The following CCSER1 variants were observed in gnomAD, a reference collection of about 807,000 sequenced individuals.
The protein encoded by CCSER1 is coiled-coil serine rich protein 1.
In CCSER1, 41 loss-of-function variants were observed where a neutral mutation model predicts 82.0. That is an observed-to-expected ratio of 0.50 (90% CI 0.39 to 0.65). CCSER1 has a LOEUF of 0.65. Ranked by LOEUF, CCSER1 falls within the 30% of genes least tolerant of loss-of-function variation. The probability of loss-of-function intolerance (pLI) is 0.00; values close to 1 mark genes in which losing one functional copy is unlikely to be tolerated. For missense variants in CCSER1, 1,119 were observed against 1,064.2 expected, an observed-to-expected ratio of 1.05 and a Z score of -0.72; for synonymous variants, 414 against 383.9, an observed-to-expected ratio of 1.08 and a Z score of -0.92.
intron 6 of CCSER1, chr4:90,641,955 C>A: frequency 5.8e-6 from 2 of 342,710 alleles, no homozygotes; most frequent in Non-Finnish European, 1.3e-5. Context: ...TTCATGAATC[C>A]AGCATTAATG....
Position 90,341,334 on chromosome 4 carries a change from C to A in CCSER1, c.1509+28287C>A, listed in dbSNP as rs376813340. The stretch of plus-strand genomic sequence containing the variant: ...GATGAAAAATATCTCTTCTTGTAAT[C>A]ATCTTTGACATTAACTTGACAATGT... On this transcript the variant is annotated intron_variant, in intron 3 of 10. Coordinates refer to ENST00000509176, the MANE Select transcript of CCSER1 (RefSeq NM_001145065.2). Among the ~76,000 whole-genome samples the A allele has an allele frequency of 5.9e-5, 9 of 152,126 alleles. No individual in the cohort carries two copies. In the East Asian group the frequency reaches 1.5e-3, roughly 26 times the overall value.
intron 3 of CCSER1, among the ~76,000 whole-genome samples, chr4:90,339,237 C>T (rs1380503518): frequency 6.6e-6 from 1 of 152,084 alleles, no homozygotes; most frequent in Non-Finnish European, 1.5e-5. Context: ...ATTCTTTTGT[C>T]ATAAGACACC....
At chr4:91,007,131 G>C (rs1367079876) in intron 9 of CCSER1, among the ~76,000 whole-genome samples, 1 of 152,098 alleles carries the variant, frequency 6.6e-6, no homozygotes. Flanking sequence ...CCCACTTGTT[G>C]TGGGACTTTT....
intron 1 of CCSER1, among the ~76,000 whole-genome samples, chr4:90,269,492 A>G (rs1453837862): frequency 6.6e-6 from 1 of 152,074 alleles, no homozygotes; most frequent in African/African-American, 2.4e-5. Context: ...ACAATTGATA[A>G]TGAAAACAGC....
intron 1 of CCSER1, among the ~76,000 whole-genome samples, chr4:90,217,686 A>G (rs917627493): frequency 6.6e-6 from 1 of 152,080 alleles, no homozygotes; most frequent in Non-Finnish European, 1.5e-5. Flanking sequence ...TCTCAAGGGG[A>G]ATGTGTCCAG....
chr4:90,757,941 T>C (rs1217634277), intron 7 of CCSER1, among the ~76,000 whole-genome samples: 2 of 151,502 alleles, frequency 1.3e-5, no homozygotes, highest in Non-Finnish European at 3.0e-5. Context: ...TTCTTTTTTT[T>C]TTTTTTTTTC....
intron 3 of CCSER1, among the ~76,000 whole-genome samples, chr4:90,386,132 T>A (rs1404235110): frequency 6.6e-6 from 1 of 152,174 alleles, no homozygotes; most frequent in Admixed American, 6.5e-5. Context: ...ACCACCATCA[T>A]TTGTTCACAG....
intron 7 of CCSER1, among the ~76,000 whole-genome samples, chr4:90,754,939 C>G (rs1000460019): frequency 7.2e-5 from 11 of 152,166 alleles, no homozygotes; most frequent in Admixed American, 2.0e-4. Context: ...CCCCTTTCCT[C>G]ATCTCCAGCT....
At chr4:90,370,630 G>C (rs1313372425) in intron 3 of CCSER1, among the ~76,000 whole-genome samples, 2 of 151,936 alleles carry the variant, frequency 1.3e-5, no homozygotes, top group Non-Finnish European at 2.9e-5. Context: ...TGCAAGGTTT[G>C]TGTTTCCTTT....
At chr4:90,400,290 G>T (rs1352918987) in intron 4 of CCSER1, among the ~76,000 whole-genome samples, 161 bp downstream of exon 4, 1 of 151,848 alleles carries the variant, frequency 6.6e-6, no homozygotes, top group Non-Finnish European at 1.5e-5. Context: ...GACATAATTT[G>T]GGTGCGTTAA....
chr4:91,170,145 A>C (rs1431084082), intron 10 of CCSER1, among the ~76,000 whole-genome samples: 3 of 152,230 alleles, frequency 2.0e-5, no homozygotes, highest in Non-Finnish European at 4.4e-5. Flanking sequence ...CTGACATCTT[A>C]AGTCATTACC....
At chr4:90,734,036 T>A (rs1255723034) in intron 7 of CCSER1, among the ~76,000 whole-genome samples, 1 of 152,006 alleles carries the variant, frequency 6.6e-6, no homozygotes, top group Non-Finnish European at 1.5e-5. Context: ...TTTATAAATT[T>A]TAGGATTGTT....
At chr4:90,394,473 T>A (rs1317993873) in intron 3 of CCSER1, among the ~76,000 whole-genome samples, 1 of 152,208 alleles carries the variant, frequency 6.6e-6, no homozygotes, top group East Asian at 1.9e-4. Flanking sequence ...GAATACTTCA[T>A]AACATTGTGT....
At chr4:90,817,002 A>G (rs1759107928) in intron 8 of CCSER1, among the ~76,000 whole-genome samples, 1 of 152,084 alleles carries the variant, frequency 6.6e-6, no homozygotes, top group Non-Finnish European at 1.5e-5. Context: ...AGTACTTAGC[A>G]TAAGAATAGT....
chr4:91,008,519 C>A (rs1024178580), intron 9 of CCSER1, among the ~76,000 whole-genome samples: 3 of 152,126 alleles, frequency 2.0e-5, no homozygotes, highest in East Asian at 1.9e-4. Flanking sequence ...AATATAGTCA[C>A]CCGTGCTCTC....
chr4:90,894,068 G>A (rs1215642461), intron 8 of CCSER1, among the ~76,000 whole-genome samples: 2 of 151,872 alleles, frequency 1.3e-5, no homozygotes, highest in Admixed American at 6.6e-5. Flanking sequence ...CCTTTGAAAG[G>A]ACACTTCATG....
chr4:90,795,457 T>A (rs2149678177), intron 7 of CCSER1, among the ~76,000 whole-genome samples: 1 of 152,302 alleles, frequency 6.6e-6, no homozygotes, highest in South Asian at 2.1e-4. Flanking sequence ...TAGTTTGACA[T>A]CCTATCTTCC....
At chr4:91,500,244 A>G (rs892197681) in intron 10 of CCSER1, among the ~76,000 whole-genome samples, 2 of 152,034 alleles carry the variant, frequency 1.3e-5, no homozygotes, top group African/African-American at 4.8e-5. Flanking sequence ...ATCATGTCAT[A>G]TGCTTACTTG....
chr4:91,009,798 CCACAATTTATATTTTTGATGT>C (rs1445624172), intron 9 of CCSER1, among the ~76,000 whole-genome samples: 4 of 152,104 alleles, frequency 2.6e-5, no homozygotes, highest in Non-Finnish European at 5.9e-5. Context: ...ACCCTCCCTC[CCACAATTTATATTTTTGATGT>C]CACAATTTAC....
Sources: allele counts gnomAD v4.1 joint callset (sites outside exome capture counted in the v4.1 genomes callset), GRCh38; gene constraint gnomAD v4.1.1; transcripts MANE v1.5; gene names NCBI Gene and HGNC (gene_info 2026-07-23, HGNC 2026-07-21).